ICA1: variants seen among roughly 807,000 people sequenced by gnomAD.
ICA1 encodes the protein 69 kDa islet cell autoantigen.
ICA1 carries 40 observed loss-of-function variants against 71.0 expected under a neutral mutation model. The observed-to-expected ratio is 0.56, with a 90% CI of 0.44 to 0.73. The LOEUF is 0.73. Among genes scored for constraint, ICA1 ranks in the 30% least tolerant of loss-of-function variants. ICA1 has a pLI of 0.00. For synonymous variants in ICA1, 207 were observed against 209.5 expected (o/e 0.99, Z 0.10); for missense variants, 578 against 576.5 (o/e 1.00, Z -0.03).
In ICA1 at chr7:8,222,469, G is replaced by C. The variant is rs1031617904; in HGVS notation, c.257-1071C>G. 2.0e-5 allele frequency among the ~76,000 whole-genome samples: 3 copies of C among 152,126 alleles called. No individual in the cohort carries two copies. The highest frequency in any genetic ancestry group is 4.4e-5 in the Non-Finnish European group (3 of 68,018). On this transcript the variant is annotated intron_variant, in intron 4 of 13. Coordinates refer to ENST00000402384, the MANE Select transcript of ICA1 (RefSeq NM_001136020.3). This position sits in a 1 kb window ranked among gnomAD's most constrained non-coding sequence, Gnocchi z 4.8. ...TAAAACTGCTTTCTAAATGCTACTA[G>C]GATTCTTGTCAGCTTTCACAAACCA...
chr7:8,166,321 G>C (rs1035545582), intron 6 of ICA1, among the ~76,000 whole-genome samples: 1 of 152,084 alleles, frequency 6.6e-6, no homozygotes, highest in African/African-American at 2.4e-5. Context: ...GCAGAATAGA[G>C]AGCCCAGAAA....
Position 8,157,513 on chromosome 7 carries a change from G to A in ICA1, c.706-299C>T, listed in dbSNP as rs1327503055. The A allele has an allele frequency of 1.7e-5, 6 of 350,056 alleles. No homozygotes were observed. In the South Asian group the frequency reaches 1.8e-4, roughly 11 times the overall value. 21.7% of individuals were successfully genotyped at this position (350,056 alleles called of 1,614,324 possible). On this transcript the variant is annotated intron_variant, in intron 7 of 13. Coordinates refer to ENST00000402384, the MANE Select transcript of ICA1 (RefSeq NM_001136020.3). Reference sequence around the variant, plus strand: ...CCAAAACCCAGGGTAAATAATTAACGCTCTACTGTTGCAATCCCTCAGCTG... The same window carrying A: ...CCAAAACCCAGGGTAAATAATTAACACTCTACTGTTGCAATCCCTCAGCTG...
rs1787978647 is a variant in ICA1 at position 8,123,850 on chromosome 7, T to A, written c.1330+4023A>T. Among the ~76,000 whole-genome samples, 1 of 152,208 alleles carries A rather than the reference T, an allele frequency of 6.6e-6. No homozygotes were observed. The highest frequency in any genetic ancestry group is 2.4e-5 in the African/African-American group (1 of 41,456). The stretch of plus-strand genomic sequence containing the variant: ...AGAAGGGAATGGTGAAAGGCATGGA[T>A]TCTGGAGTCCGGCTGCCTGGGCTCA... On this transcript the variant is annotated intron_variant, in intron 13 of 13. Coordinates refer to ENST00000402384, the MANE Select transcript of ICA1 (RefSeq NM_001136020.3). This position sits in a 1 kb window ranked among gnomAD's most constrained non-coding sequence, Gnocchi z 4.1.
intron 6 of ICA1, among the ~76,000 whole-genome samples, chr7:8,194,709 C>T (rs182493877): frequency 3.7e-4 from 56 of 152,218 alleles, no homozygotes; most frequent in African/African-American, 1.1e-3. Flanking sequence ...ACCTAAAAGT[C>T]TAATGTTAGG....
intron 1 of ICA1, among the ~76,000 whole-genome samples, chr7:8,261,680 C>T (rs952783192): frequency 1.3e-5 from 2 of 151,810 alleles, no homozygotes; most frequent in Non-Finnish European, 2.9e-5. Context: ...CAACCCTGGA[C>T]GCAAGTCCCT....
At chr7:8,220,005 AG>A (rs1409566044) in intron 5 of ICA1, among the ~76,000 whole-genome samples, 1 of 152,230 alleles carries the variant, frequency 6.6e-6, no homozygotes, top group Non-Finnish European at 1.5e-5. Context: ...GTATCTATTA[AG>A]AGGTTAAAAG....
In ICA1 at chr7:8,177,725, C is replaced by T. The variant is rs570699419; in HGVS notation, c.580-19073G>A. ...CCAGTCACTGTAAGTAAACACAACT[C>T]ACATCCACAAATCAACCAATAAATT... On this transcript the variant is annotated intron_variant, in intron 6 of 13. Transcript: ENST00000402384. Among the ~76,000 whole-genome samples the T allele has an allele frequency of 7.2e-5, 11 of 152,300 alleles. No individual in the cohort carries two copies. In the South Asian group the frequency reaches 2.3e-3, roughly 32 times the overall value.
intron 4 of ICA1, among the ~76,000 whole-genome samples, chr7:8,225,666 C>T (rs1442852639): frequency 6.6e-6 from 1 of 152,128 alleles, no homozygotes; most frequent in African/African-American, 2.4e-5. Flanking sequence ...ATGCATACAC[C>T]CTCATCTGCA....
chr7:8,167,500 G>C (rs993325870), intron 6 of ICA1, among the ~76,000 whole-genome samples: 6 of 152,080 alleles, frequency 3.9e-5, no homozygotes, highest in Non-Finnish European at 8.8e-5. Context: ...GGAAGAGGGT[G>C]AGGATAAAAA....
chr7:8,120,415 G>A (rs768832192), intron 13 of ICA1, among the ~76,000 whole-genome samples: 13 of 152,142 alleles, frequency 8.5e-5, no homozygotes, highest in Non-Finnish European at 1.8e-4. Context: ...GGTAATTATG[G>A]ATTGAATGCC....
chr7:8,113,666 G>T lies in ICA1; in HGVS notation c.*257C>A, dbSNP rs142059135. ...GACACCGCAGCAGCCATGATGGGATGTAGGCAGGAGAGCGGTGGCCTGGAA... is the reference window on the plus strand; with the variant it reads ...GACACCGCAGCAGCCATGATGGGATTTAGGCAGGAGAGCGGTGGCCTGGAA... On this transcript the variant is annotated 3_prime_UTR_variant, in exon 14 of 14. Coordinates refer to ENST00000402384, the MANE Select transcript of ICA1 (RefSeq NM_001136020.3). The surrounding 1 kb of genome is among the most constrained non-coding windows in gnomAD (Gnocchi z 4.2). 1.9e-4 allele frequency: 66 copies of T among 341,132 alleles called. No homozygotes were observed. The highest frequency in any genetic ancestry group is 1.2e-3 in the African/African-American group (59 of 48,008). The allele number at this position is 341,132 out of a possible 1,614,324, so 21.1% of individuals were successfully genotyped here.
At chr7:8,236,339 G>A (rs1801835868) in intron 1 of ICA1, among the ~76,000 whole-genome samples, 1 of 152,178 alleles carries the variant, frequency 6.6e-6, no homozygotes, top group East Asian at 1.9e-4. Context: ...TAAGGTGAAG[G>A]TATAAAGAAT....
chr7:8,139,113 G>T, intron 10 of ICA1, 66 bp from the exon 11 acceptor site: 2 of 1,261,656 alleles, frequency 1.6e-6, no homozygotes, highest in Non-Finnish European at 2.3e-6. Flanking sequence ...ATACGCTATT[G>T]CAGTGTAAGG....
intron 13 of ICA1, among the ~76,000 whole-genome samples, chr7:8,122,602 C>T (rs1787433913): frequency 6.6e-6 from 1 of 152,228 alleles, no homozygotes; most frequent in South Asian, 2.1e-4. Flanking sequence ...TGGTCTTTTC[C>T]CTCACACGAT....
chr7:8,233,986 G>A (rs1801056613), intron 2 of ICA1, among the ~76,000 whole-genome samples: 2 of 152,180 alleles, frequency 1.3e-5, no homozygotes, highest in African/African-American at 2.4e-5. Flanking sequence ...ACTTTGGAAG[G>A]CCCAGGCAGG....
At chr7:8,125,370 C>T (rs765542581) in intron 13 of ICA1, among the ~76,000 whole-genome samples, 1 of 152,206 alleles carries the variant, frequency 6.6e-6, no homozygotes, top group Non-Finnish European at 1.5e-5. Context: ...CTTCACTGTG[C>T]CAGGCATATC....
intron 1 of ICA1, among the ~76,000 whole-genome samples, chr7:8,244,079 A>G (rs1804989280): frequency 1.3e-5 from 2 of 152,212 alleles, no homozygotes; most frequent in Admixed American, 1.3e-4. Context: ...ATATGGAATC[A>G]AAAAAGAGCC....
chr7:8,175,951 TC>T (rs1353132295), intron 6 of ICA1, among the ~76,000 whole-genome samples: 2 of 152,174 alleles, frequency 1.3e-5, no homozygotes, highest in Admixed American at 6.5e-5. Context: ...AGTCTTTGGT[TC>T]CATGGACGGC....
chr7:8,209,482 G>T (rs2128369518), intron 6 of ICA1, among the ~76,000 whole-genome samples: 1 of 152,164 alleles, frequency 6.6e-6, no homozygotes, highest in East Asian at 1.9e-4. Flanking sequence ...TTCAATGGAA[G>T]GATTAAATTT....
Sources: allele counts gnomAD v4.1 joint callset (sites outside exome capture counted in the v4.1 genomes callset), GRCh38; gene constraint gnomAD v4.1.1; non-coding constraint Gnocchi (gnomAD v3.1); transcripts MANE v1.5; gene names NCBI Gene and HGNC (gene_info 2026-07-23, HGNC 2026-07-21).